Variants in CSMD3 observed in about 807,000 individuals in gnomAD.
The protein encoded by CSMD3 is CUB and Sushi multiple domains 3, also known as CUB and sushi domain-containing protein 3.
In CSMD3, 177 loss-of-function variants were observed where a neutral mutation model predicts 435.2. The observed-to-expected ratio is 0.41, with a 90% confidence interval of 0.36 to 0.46. The LOEUF is 0.46. CSMD3 is among the 20% of genes least tolerant of loss of function. The pLI is 0.34. For synonymous variants in CSMD3, 1,656 were observed against 1,520.5 expected (o/e 1.09, Z -2.07); for missense variants, 4,265 against 4,504.6 (o/e 0.95, Z 1.52).
intron 10 of CSMD3, among the ~76,000 whole-genome samples, chr8:112,901,351 C>T (rs2082104696): frequency 6.6e-6 from 1 of 151,182 alleles, no homozygotes; most frequent in Admixed American, 6.6e-5. Context: ...TACAGTGGTG[C>T]TTTGGCCCTT....
At chr8:112,298,185 T>A (rs1019154694) in intron 53 of CSMD3, among the ~76,000 whole-genome samples, 1 of 151,316 alleles carries the variant, frequency 6.6e-6, no homozygotes, top group East Asian at 2.0e-4. Context: ...AAGGATTCAA[T>A]CCCACCAGAA....
At chr8:113,206,610 C>T (rs1222129484) in intron 3 of CSMD3, among the ~76,000 whole-genome samples, 1 of 152,094 alleles carries the variant, frequency 6.6e-6, no homozygotes, top group African/African-American at 2.4e-5. Context: ...AGTTTTTACA[C>T]CCTTCAACCT....
At chr8:112,318,037 T>C (rs1418227496) in intron 47 of CSMD3, among the ~76,000 whole-genome samples, 2 of 152,056 alleles carry the variant, frequency 1.3e-5, no homozygotes, top group Non-Finnish European at 2.9e-5. Flanking sequence ...TTTTTGAACA[T>C]CACAGCTTAG....
chr8:112,762,464 A>C (rs1422342949), intron 13 of CSMD3, among the ~76,000 whole-genome samples: 1 of 151,990 alleles, frequency 6.6e-6, no homozygotes, highest in Non-Finnish European at 1.5e-5. Flanking sequence ...ACAGATATTT[A>C]GTAGACCTCT....
At chr8:112,846,196 T>C (rs188333005) in intron 11 of CSMD3, among the ~76,000 whole-genome samples, 37 of 151,964 alleles carry the variant, frequency 2.4e-4, no homozygotes, top group Admixed American at 1.7e-3. Context: ...AATTCTTTTT[T>C]AACATGTTAA....
At chr8:113,234,683 C>T (rs1453400062) in intron 3 of CSMD3, among the ~76,000 whole-genome samples, 1 of 152,000 alleles carries the variant, frequency 6.6e-6, no homozygotes, top group Non-Finnish European at 1.5e-5. Flanking sequence ...TTGAAGATAC[C>T]TTATGACCAC....
At chr8:112,438,913 G>T (rs16883598) in intron 32 of CSMD3, among the ~76,000 whole-genome samples, 2,666 of 152,130 alleles carry the variant, frequency 0.018, 80 homozygotes, top group African/African-American at 0.061. Context: ...TCCAAAGTAG[G>T]CACTGAATTC....
intron 32 of CSMD3, among the ~76,000 whole-genome samples, chr8:112,438,948 T>C (rs541310744): frequency 7.9e-5 from 12 of 152,288 alleles, no homozygotes; most frequent in African/African-American, 2.4e-4. Context: ...TGAGAATAGG[T>C]TTTAGCCCTT....
At chr8:112,361,782 A>T (rs2131122194) in intron 38 of CSMD3, among the ~76,000 whole-genome samples, 1 of 151,426 alleles carries the variant, frequency 6.6e-6, no homozygotes, top group Non-Finnish European at 1.5e-5. Flanking sequence ...GTATCTATTT[A>T]TTGAAAATGC....
chr8:112,323,716 A>T (rs1489913236), intron 45 of CSMD3, among the ~76,000 whole-genome samples: 1 of 152,024 alleles, frequency 6.6e-6, no homozygotes, highest in Non-Finnish European at 1.5e-5. Flanking sequence ...ATTGGCCTAT[A>T]GTGTGTTCCT....
chr8:113,000,330 A>T (rs548967328), intron 6 of CSMD3, among the ~76,000 whole-genome samples: 1 of 152,156 alleles, frequency 6.6e-6, no homozygotes, highest in East Asian at 1.9e-4. Flanking sequence ...GTAAAAGAAG[A>T]TAAATTCTTC....
At chr8:113,355,363 T>A (rs1166379577) in intron 1 of CSMD3, among the ~76,000 whole-genome samples, 1 of 151,990 alleles carries the variant, frequency 6.6e-6, no homozygotes, top group African/African-American at 2.4e-5. Context: ...ATGTGTGTCT[T>A]AAACAGCAAA....
chr8:112,345,353 G>A (rs1825565673), intron 41 of CSMD3, among the ~76,000 whole-genome samples: 1 of 152,004 alleles, frequency 6.6e-6, no homozygotes, highest in Non-Finnish European at 1.5e-5. Flanking sequence ...TCCATCATCT[G>A]ATGAATGGAT....
At chr8:112,660,444 T>C (rs2075353645) in intron 17 of CSMD3, among the ~76,000 whole-genome samples, 1 of 152,180 alleles carries the variant, frequency 6.6e-6, no homozygotes, top group African/African-American at 2.4e-5. Flanking sequence ...CTGTGTAAGA[T>C]GTAGATTATT....
chr8:112,975,816 A>G (rs751089793), intron 7 of CSMD3, 21 bp downstream of exon 7: 2 of 1,612,240 alleles, frequency 1.2e-6, no homozygotes, highest in East Asian at 2.2e-5. Flanking sequence ...AAATGGGCAC[A>G]AGTAAAATAA....
chr8:112,791,562 G>C, intron 13 of CSMD3, among the ~76,000 whole-genome samples: 1 of 152,142 alleles, frequency 6.6e-6, no homozygotes, highest in Non-Finnish European at 1.5e-5. Context: ...TGTGTTAAGA[G>C]TATTTTCTTT....
chr8:112,604,827 G>A (rs921389421), intron 22 of CSMD3, among the ~76,000 whole-genome samples: 2 of 152,032 alleles, frequency 1.3e-5, no homozygotes, highest in Non-Finnish European at 2.9e-5. Flanking sequence ...GCAAAAGAAA[G>A]TATTAACTGA....
chr8:112,243,408 A>C (rs992901579), intron 65 of CSMD3, among the ~76,000 whole-genome samples: 6 of 152,108 alleles, frequency 3.9e-5, no homozygotes, highest in Admixed American at 3.9e-4. Flanking sequence ...GACCTTACCA[A>C]AAACACTAGA....
At chr8:112,330,339 A>T (rs955388427) in intron 45 of CSMD3, among the ~76,000 whole-genome samples, 1 of 145,080 alleles carries the variant, frequency 6.9e-6, no homozygotes, top group African/African-American at 2.9e-5. Flanking sequence ...ATAACAGAAA[A>T]TAATAACATA....
Sources: allele counts gnomAD v4.1 joint callset (sites outside exome capture counted in the v4.1 genomes callset), GRCh38; gene constraint gnomAD v4.1.1; transcripts MANE v1.5; gene names NCBI Gene and HGNC (gene_info 2026-07-23, HGNC 2026-07-21).